Variants in ECT2L observed in about 807,000 individuals in gnomAD.
ECT2L encodes the protein epithelial cell transforming 2 like.
A neutral mutation model predicts 122.8 loss-of-function variants in ECT2L; 126 were observed. That is an observed-to-expected ratio of 1.03 (90% confidence interval 0.89 to 1.19). The LOEUF (loss-of-function observed/expected upper bound fraction) is 1.19. Among genes scored for constraint, ECT2L ranks in the 50% most tolerant of loss-of-function variants. ECT2L has a pLI of 0.00. For missense variants in ECT2L, 1,012 were observed against 1,064.1 expected (o/e 0.95, Z 0.68); for synonymous variants, 385 against 381.8 (o/e 1.01, Z -0.10).
At position 138,813,189 on chromosome 6, in the gene ECT2L, C is replaced by G; in HGVS notation, c.-86C>G. The G allele has an allele frequency of 2.3e-6, 2 of 857,074 alleles. No homozygotes were observed. The highest frequency in any genetic ancestry group is 3.2e-5 in the South Asian group (2 of 62,414). The allele number at this position is 857,074 out of a possible 1,614,324, so 53.1% of individuals were successfully genotyped here. Reference sequence around the variant, plus strand: ...ATTTCTAGGTGATCTTAATTGCACACCTATTGAAATAAACCTGTAGTTTCT... The same window carrying G: ...ATTTCTAGGTGATCTTAATTGCACAGCTATTGAAATAAACCTGTAGTTTCT... On this transcript the variant is annotated 5_prime_UTR_variant, in exon 3 of 22. Transcript: ENST00000541398.
intron 1 of ECT2L, among the ~76,000 whole-genome samples, chr6:138,798,448 G>T (rs1004132723): frequency 2.6e-5 from 4 of 152,084 alleles, no homozygotes; most frequent in African/African-American, 9.7e-5. Context: ...AGGAACTGGG[G>T]TCAAAAACCA....
intron 4 of ECT2L, among the ~76,000 whole-genome samples, chr6:138,815,522 G>A (rs1396975274): frequency 1.3e-5 from 2 of 152,146 alleles, no homozygotes; most frequent in Non-Finnish European, 2.9e-5. Context: ...AGGATTTCTG[G>A]TAGCCCGAGG....
At chr6:138,900,250 T>G (rs1054411371) in intron 20 of ECT2L, among the ~76,000 whole-genome samples, 3 of 152,092 alleles carry the variant, frequency 2.0e-5, no homozygotes, top group African/African-American at 7.2e-5. Flanking sequence ...CCCAACTTAT[T>G]ATCTTTTTTT....
intron 4 of ECT2L, among the ~76,000 whole-genome samples, chr6:138,816,929 C>A (rs1223880744): frequency 1.3e-5 from 2 of 152,178 alleles, no homozygotes; most frequent in East Asian, 3.8e-4. Context: ...ACAAAGAACC[C>A]CCCTACCCAT....
At chr6:138,883,158 A>G (rs756315350) in intron 16 of ECT2L, among the ~76,000 whole-genome samples, 4 of 152,208 alleles carry the variant, frequency 2.6e-5, no homozygotes, top group Non-Finnish European at 4.4e-5. Flanking sequence ...AATGCTCCAC[A>G]GTTGAGCTTG....
chr6:138,860,047 A>C (rs903659135), intron 10 of ECT2L, among the ~76,000 whole-genome samples: 2 of 151,946 alleles, frequency 1.3e-5, no homozygotes, highest in African/African-American at 4.8e-5. Context: ...CTGGTCTTGA[A>C]CTCCTGACCT....
intron 10 of ECT2L, among the ~76,000 whole-genome samples, chr6:138,857,907 G>C (rs1777673422): frequency 6.6e-6 from 1 of 152,158 alleles, no homozygotes; most frequent in Non-Finnish European, 1.5e-5. Flanking sequence ...GTTCTGCAGG[G>C]CCGGGGAAGC....
intron 1 of ECT2L, among the ~76,000 whole-genome samples, chr6:138,809,880 G>C (rs575559938): frequency 6.6e-6 from 1 of 152,230 alleles, no homozygotes; most frequent in Admixed American, 6.5e-5. Flanking sequence ...CATAACAACA[G>C]CAACACATTC....
chr6:138,894,190 G>T (rs1779134478), intron 20 of ECT2L, among the ~76,000 whole-genome samples: 1 of 152,114 alleles, frequency 6.6e-6, no homozygotes, highest in Non-Finnish European at 1.5e-5. Context: ...CCAAGTAGCT[G>T]GGATTACAGG....
At chr6:138,807,115 A>T (rs1341265383) in intron 1 of ECT2L, among the ~76,000 whole-genome samples, 2 of 144,922 alleles carry the variant, frequency 1.4e-5, no homozygotes, top group African/African-American at 5.1e-5. Flanking sequence ...TCCCAGGGGT[A>T]TTTTTTTTTT....
chr6:138,897,053 C>T (rs1248664964), intron 20 of ECT2L, among the ~76,000 whole-genome samples: 3 of 152,192 alleles, frequency 2.0e-5, no homozygotes, highest in African/African-American at 7.2e-5. Flanking sequence ...AATAACAAAA[C>T]ACTTCTAGAA....
chr6:138,831,745 C>T (rs557414543), intron 4 of ECT2L, among the ~76,000 whole-genome samples: 53 of 152,120 alleles, frequency 3.5e-4, no homozygotes, highest in African/African-American at 1.3e-3. Flanking sequence ...TCATTAAAAC[C>T]GCAGAATGTA....
At chr6:138,828,705 C>T (rs1044229849) in intron 4 of ECT2L, among the ~76,000 whole-genome samples, 6 of 152,200 alleles carry the variant, frequency 3.9e-5, no homozygotes, top group Middle Eastern at 3.4e-3. Flanking sequence ...ACTTGCTTTC[C>T]CGAGGTAGAG....
chr6:138,882,089 AG>A (rs1287769687), intron 15 of ECT2L, among the ~76,000 whole-genome samples: 2 of 152,236 alleles, frequency 1.3e-5, no homozygotes, highest in African/African-American at 4.8e-5. Flanking sequence ...CCCAAGGCTG[AG>A]GGTCAGTTTA....
chr6:138,890,947 A>G (rs116531176), intron 20 of ECT2L, among the ~76,000 whole-genome samples: 2,672 of 152,100 alleles, frequency 0.018, 81 homozygotes, highest in African/African-American at 0.061. Flanking sequence ...TTTTTCCTCT[A>G]TAGGTAATAG....
chr6:138,875,408 T>G (rs369637152), intron 13 of ECT2L, among the ~76,000 whole-genome samples: 39 of 152,372 alleles, frequency 2.6e-4, no homozygotes, highest in African/African-American at 8.7e-4. Flanking sequence ...GAAGTTATTC[T>G]TCCAGCCTCA....
intron 9 of ECT2L, 71 bp from the exon 10 acceptor site, chr6:138,853,955 A>G: frequency 6.5e-7 from 1 of 1,530,550 alleles, no homozygotes; most frequent in Non-Finnish European, 8.9e-7. Flanking sequence ...TTACATTTTC[A>G]CAAGCTGCTA....
At chr6:138,806,051 G>A (rs1370942034) in intron 1 of ECT2L, among the ~76,000 whole-genome samples, 1 of 152,160 alleles carries the variant, frequency 6.6e-6, no homozygotes, top group Non-Finnish European at 1.5e-5. Context: ...CCACCAAAGG[G>A]TCTTCCAATT....
chr6:138,867,999 CAAAAAAAA>C lies in ECT2L; in HGVS notation c.1475-91_1475-84del, dbSNP rs754296302. 7.1e-5 allele frequency: 24 copies of C among 335,966 alleles called. No homozygotes were observed. In the Admixed American group the frequency reaches 1.0e-3, roughly 14 times the overall value. 20.8% of individuals were successfully genotyped at this position (335,966 alleles called of 1,614,324 possible). On this transcript the variant is annotated intron_variant, in intron 12 of 21. Transcript: ENST00000541398. ...TGGGCAACAGAGTAAGATTCTGTCT[CAAAAAAAA>C]AAAAAAAAAAAAGAAACTGTGAGGA... is the stretch of plus-strand genomic sequence containing the variant.
Sources: allele counts gnomAD v4.1 joint callset (sites outside exome capture counted in the v4.1 genomes callset), GRCh38; gene constraint gnomAD v4.1.1; transcripts MANE v1.5; gene names NCBI Gene and HGNC (gene_info 2026-07-23, HGNC 2026-07-21).